Variants in ROR1 observed in about 807,000 individuals in gnomAD.
ROR1 encodes the protein inactive tyrosine-protein kinase transmembrane receptor ROR1.
ROR1 carries 19 observed loss-of-function variants against 78.8 expected under a neutral mutation model. The ratio of observed to expected loss-of-function variants is 0.24; its 90% CI spans 0.17 to 0.35. ROR1 has a LOEUF of 0.35. ROR1 is among the 10% of genes least tolerant of loss of function. The pLI, the probability that ROR1 is intolerant of heterozygous loss-of-function variation, is 1.00. For synonymous variants in ROR1, 386 were observed against 433.6 expected (o/e 0.89, Z 1.36); for missense variants, 917 against 1,177.8 (o/e 0.78, Z 3.24).
intron 1 of ROR1, among the ~76,000 whole-genome samples, chr1:63,810,331 A>G (rs1644853719): frequency 1.3e-5 from 2 of 152,156 alleles, no homozygotes; most frequent in Admixed American, 1.3e-4. Context: ...GATGGCTTCC[A>G]AGTTGTCTAG....
chr1:63,991,534 G>T (rs545845548), intron 1 of ROR1, among the ~76,000 whole-genome samples: 1 of 152,258 alleles, frequency 6.6e-6, no homozygotes, highest in African/African-American at 2.4e-5. Context: ...CCCAACAAAG[G>T]CATTACTTGG....
chr1:63,913,062 C>T (rs1645583928), intron 1 of ROR1, among the ~76,000 whole-genome samples: 1 of 151,802 alleles, frequency 6.6e-6, no homozygotes, highest in Non-Finnish European at 1.5e-5. Flanking sequence ...AAAAAGGCTC[C>T]ACCTTCAGGA....
At chr1:63,997,815 T>G (rs1466517636) in intron 1 of ROR1, among the ~76,000 whole-genome samples, 2 of 144,514 alleles carry the variant, frequency 1.4e-5, no homozygotes, top group East Asian at 4.3e-4. Flanking sequence ...GGTTAGTTTC[T>G]GTATCTATGA....
In ROR1 at chr1:63,877,185, A is replaced by G. The variant is rs573939788; in HGVS notation, c.91+102677A>G. Among the ~76,000 whole-genome samples, 11 of 152,298 alleles carry G rather than the reference A, an allele frequency of 7.2e-5. No homozygotes were observed. In the East Asian group the frequency reaches 9.7e-4, roughly 13 times the overall value. The stretch of plus-strand genomic sequence containing the variant: ...TGTTCATATTCAGCTACCAAGACCC[A>G]ATCAGTTAATAACTTTGCCCAGAGT... On this transcript the variant is annotated intron_variant, in intron 1 of 8. Coordinates refer to ENST00000371079, the MANE Select transcript of ROR1 (RefSeq NM_005012.4).
intron 7 of ROR1, among the ~76,000 whole-genome samples, chr1:64,158,547 T>C (rs1239484049): frequency 6.6e-6 from 1 of 152,200 alleles, no homozygotes; most frequent in Non-Finnish European, 1.5e-5. Flanking sequence ...GACAAGGTCA[T>C]GATTTCTAGA....
intron 1 of ROR1, among the ~76,000 whole-genome samples, chr1:63,879,988 C>A (rs684510): frequency 0.92 from 139,975 of 152,148 alleles, 64,461 homozygotes; most frequent in East Asian, 1. Flanking sequence ...GGTATGGACC[C>A]GTGTCATTTA....
rs1461089889 is a variant in ROR1, at chr1:63,785,239, C to A, written c.91+10731C>A. 9.2e-5 allele frequency among the ~76,000 whole-genome samples: 14 copies of A among 152,290 alleles called. No homozygotes were observed. In the South Asian group the frequency reaches 2.9e-3, roughly 32 times the overall value. ...CAACTGGGGTGTTTCAAAGTTTTTACATAATTTTCACACCCCCTGGAGAGT... is the reference window on the plus strand; with the variant it reads ...CAACTGGGGTGTTTCAAAGTTTTTAAATAATTTTCACACCCCCTGGAGAGT... On this transcript the variant is annotated intron_variant, in intron 1 of 8. Transcript: ENST00000371079.
intron 7 of ROR1, among the ~76,000 whole-genome samples, chr1:64,143,928 C>T (rs1056777301): frequency 2.8e-4 from 43 of 152,140 alleles, no homozygotes; most frequent in African/African-American, 9.7e-4. Flanking sequence ...GAAGGCTCAC[C>T]TGGGCTGCTG....
rs529280898 is a variant in ROR1 at position 64,065,459 on chromosome 1, A to G, written c.482+14743A>G. ...TCATGGGGTAGTTTTATTACAGACA[A>G]GGGAAACAGTACAGCAACAGCAGAA... On this transcript the variant is annotated intron_variant, in intron 4 of 8. Coordinates refer to ENST00000371079, the MANE Select transcript of ROR1 (RefSeq NM_005012.4). 5.5e-4 allele frequency among the ~76,000 whole-genome samples: 84 copies of G among 152,322 alleles called. 3 individuals carry two copies. The South Asian group carries it at 0.017, about 32-fold the overall frequency.
At chr1:64,116,279 T>C (rs1648313614) in intron 4 of ROR1, among the ~76,000 whole-genome samples, 1 of 152,204 alleles carries the variant, frequency 6.6e-6, no homozygotes, top group African/African-American at 2.4e-5. Context: ...AACATTAAAC[T>C]GGCTGCATCA....
At chr1:64,012,864 GA>G (rs141679761) in intron 2 of ROR1, among the ~76,000 whole-genome samples, 1,989 of 152,298 alleles carry the variant, frequency 0.013, 40 homozygotes, top group African/African-American at 0.046. Context: ...TAGAGCTATG[GA>G]AATTAGAAGT....
chr1:63,848,797 G>A (rs944112867), intron 1 of ROR1, among the ~76,000 whole-genome samples: 5 of 152,112 alleles, frequency 3.3e-5, no homozygotes, highest in African/African-American at 7.2e-5. Flanking sequence ...GTTTGAAATC[G>A]TGGTTATCAT....
At chr1:63,960,690 C>T (rs897991476) in intron 1 of ROR1, among the ~76,000 whole-genome samples, 8 of 152,120 alleles carry the variant, frequency 5.3e-5, no homozygotes, top group African/African-American at 1.9e-4. Context: ...TGTTATAGAG[C>T]CCCTCAAAAG....
At chr1:63,895,412 A>G (rs948646541) in intron 1 of ROR1, among the ~76,000 whole-genome samples, 1 of 152,158 alleles carries the variant, frequency 6.6e-6, no homozygotes, top group Admixed American at 6.6e-5. Flanking sequence ...AAAATAAACC[A>G]TGTATCTTGG....
chr1:63,787,881 T>C (rs1644701794), intron 1 of ROR1, among the ~76,000 whole-genome samples: 1 of 152,238 alleles, frequency 6.6e-6, no homozygotes, highest in Non-Finnish European at 1.5e-5. Flanking sequence ...GAAATGCCCC[T>C]TCATCAGTTT....
At chr1:64,069,516 ATGTGTGTG>A (rs143372488) in intron 4 of ROR1, among the ~76,000 whole-genome samples, 1 of 150,316 alleles carries the variant, frequency 6.7e-6, no homozygotes, top group Non-Finnish European at 1.5e-5. Flanking sequence ...CTTGGGTTAA[ATGTGTGTG>A]TGTGTGTGTG....
intron 1 of ROR1, among the ~76,000 whole-genome samples, chr1:63,924,859 A>C (rs1469515082): frequency 1.4e-5 from 2 of 148,014 alleles, no homozygotes; most frequent in African/African-American, 5.0e-5. Flanking sequence ...AGAATGCCTG[A>C]CCCTGTCCAC....
chr1:64,096,262 G>A (rs1647296786), intron 4 of ROR1, among the ~76,000 whole-genome samples: 1 of 151,782 alleles, frequency 6.6e-6, no homozygotes, highest in Non-Finnish European at 1.5e-5. Flanking sequence ...AGGGGTACTT[G>A]TGCAGGATGT....
At chr1:63,921,229 C>A (rs902213017) in intron 1 of ROR1, among the ~76,000 whole-genome samples, 1 of 152,090 alleles carries the variant, frequency 6.6e-6, no homozygotes, top group African/African-American at 2.4e-5. Context: ...TTCTTCAGGG[C>A]AGTGCTTATT....
Sources: allele counts gnomAD v4.1 joint callset (sites outside exome capture counted in the v4.1 genomes callset), GRCh38; gene constraint gnomAD v4.1.1; transcripts MANE v1.5; gene names NCBI Gene and HGNC (gene_info 2026-07-23, HGNC 2026-07-21).